Variants in DOCK7 observed in about 807,000 individuals in gnomAD.
DOCK7 encodes the protein dedicator of cytokinesis protein 7.
In DOCK7, 138 loss-of-function variants were observed where a neutral mutation model predicts 271.0. The observed-to-expected ratio is 0.51, with a 90% CI of 0.44 to 0.59. DOCK7 has a LOEUF of 0.59. Ranked by LOEUF, DOCK7 falls within the 20% of genes least tolerant of loss-of-function variation. DOCK7 has a pLI of 0.00. For missense variants in DOCK7, 2,066 were observed against 2,592.4 expected, an observed-to-expected ratio of 0.80 and a Z score of 4.41; for synonymous variants, 823 against 876.1, an observed-to-expected ratio of 0.94 and a Z score of 1.07.
chr1:62,673,329 T>C (rs1354981820), intron 1 of DOCK7, among the ~76,000 whole-genome samples: 1 of 152,184 alleles, frequency 6.6e-6, no homozygotes, highest in African/African-American at 2.4e-5. Flanking sequence ...CTCAAAATTA[T>C]TTTTACATTA....
intron 7 of DOCK7, among the ~76,000 whole-genome samples, chr1:62,638,631 G>C (rs1557841980): frequency 7.3e-6 from 1 of 137,002 alleles, no homozygotes; most frequent in Non-Finnish European, 1.6e-5. Context: ...ATATTTTCAT[G>C]AATATATATA....
intron 41 of DOCK7, among the ~76,000 whole-genome samples, chr1:62,491,032 T>C (rs1646450992): frequency 6.6e-6 from 1 of 152,226 alleles, no homozygotes; most frequent in Non-Finnish European, 1.5e-5. Context: ...TTTAAATACA[T>C]GAACTTACTT....
intron 1 of DOCK7, among the ~76,000 whole-genome samples, chr1:62,681,976 C>A (rs1474603073): frequency 6.6e-6 from 1 of 150,522 alleles, no homozygotes; most frequent in Non-Finnish European, 1.5e-5. Context: ...TCCCAAAAGT[C>A]AGAATGGTGG....
At position 62,562,909 on chromosome 1, in the gene DOCK7, C is replaced by T. The variant is rs547843872; in HGVS notation, c.2113-1206G>A. Among the ~76,000 whole-genome samples the T allele has an allele frequency of 2.0e-5, 3 of 152,286 alleles. No individual in the cohort carries two copies. The East Asian group carries it at 5.8e-4, about 29-fold the overall frequency. On this transcript the variant is annotated intron_variant, in intron 18 of 49. Coordinates refer to ENST00000635253, the MANE Select transcript of DOCK7 (RefSeq NM_001367561.1). ...TCCTGGCCCCACTCTCGCCTCCCTACACTGAATGGAGAGCCTAGGCAGCCA... is the reference window on the plus strand; with the variant it reads ...TCCTGGCCCCACTCTCGCCTCCCTATACTGAATGGAGAGCCTAGGCAGCCA...
At chr1:62,601,762 A>T in intron 14 of DOCK7, 1 of 1,574,336 alleles carries the variant, frequency 6.4e-7, no homozygotes, top group East Asian at 2.2e-5. Flanking sequence ...CATTTTATTG[A>T]TTCTAGGCAT....
intron 14 of DOCK7, among the ~76,000 whole-genome samples, chr1:62,614,065 A>G (rs1360471366): frequency 4.6e-5 from 7 of 152,214 alleles, no homozygotes; most frequent in African/African-American, 1.7e-4. Flanking sequence ...AAATATTTGT[A>G]TAGTGACCAC....
chr1:62,523,956 A>G (rs1286564780), intron 31 of DOCK7, among the ~76,000 whole-genome samples: 1 of 152,246 alleles, frequency 6.6e-6, no homozygotes, highest in Non-Finnish European at 1.5e-5. Flanking sequence ...ACAGCAAGCC[A>G]CAGAGAAGAA....
intron 1 of DOCK7, among the ~76,000 whole-genome samples, chr1:62,669,098 T>C (rs1296356508): frequency 6.6e-6 from 1 of 152,158 alleles, no homozygotes; most frequent in Non-Finnish European, 1.5e-5. Context: ...CTAAATCTGT[T>C]TGGACACTCC....
intron 48 of DOCK7, chr1:62,458,625 C>T (rs1196248261): frequency 6.6e-6 from 1 of 151,904 alleles, no homozygotes; most frequent in Non-Finnish European, 1.5e-5. Context: ...CTCTGCCTCC[C>T]AGGTTCAAGC....
intron 42 of DOCK7, 166 bp from the exon 43 acceptor site, chr1:62,487,578 T>A (rs1217785609): frequency 1.7e-6 from 1 of 573,518 alleles, no homozygotes; most frequent in East Asian, 2.9e-5. Flanking sequence ...TTTCATAAAT[T>A]GCTTGGTCAA....
At chr1:62,479,661 T>A in intron 43 of DOCK7, 1 of 311,362 alleles carries the variant, frequency 3.2e-6, no homozygotes, top group South Asian at 2.9e-5. Flanking sequence ...TATACATTCC[T>A]ACTTTTTGTT....
At chr1:62,584,625 T>C (rs1430666336) in intron 15 of DOCK7, 1 of 1,292,958 alleles carries the variant, frequency 7.7e-7, no homozygotes, top group Non-Finnish European at 9.8e-7. Flanking sequence ...TTTTGACCAT[T>C]TGACATGTAC....
At chr1:62,516,465 C>T (rs1303234071) in intron 31 of DOCK7, among the ~76,000 whole-genome samples, 1 of 152,160 alleles carries the variant, frequency 6.6e-6, no homozygotes, top group Non-Finnish European at 1.5e-5. Flanking sequence ...CTATCACCTA[C>T]AATAAATGCC....
At chr1:62,654,773 A>T (rs1657791353) in intron 2 of DOCK7, among the ~76,000 whole-genome samples, 1 of 152,250 alleles carries the variant, frequency 6.6e-6, no homozygotes, top group African/African-American at 2.4e-5. Flanking sequence ...GCAATCACAT[A>T]TATCCTCATG....
intron 8 of DOCK7, chr1:62,635,637 A>G (rs1655172219): frequency 6.6e-6 from 1 of 152,202 alleles, no homozygotes; most frequent in African/African-American, 2.4e-5. Flanking sequence ...ATAATATCCC[A>G]GCAGTTTCGA....
intron 4 of DOCK7, among the ~76,000 whole-genome samples, chr1:62,649,574 T>C (rs1657084676): frequency 6.6e-6 from 1 of 152,192 alleles, no homozygotes; most frequent in Non-Finnish European, 1.5e-5. Flanking sequence ...AGAATGCTAC[T>C]GAATTCTATA....
intron 40 of DOCK7, 55 bp downstream of exon 40, chr1:62,494,220 G>A: frequency 6.9e-7 from 1 of 1,445,700 alleles, no homozygotes; most frequent in Non-Finnish European, 9.2e-7. Context: ...AGTGAGAAAA[G>A]CTAAAACCAA....
intron 10 of DOCK7, among the ~76,000 whole-genome samples, chr1:62,633,153 A>C (rs1332934625): frequency 6.6e-6 from 1 of 152,206 alleles, no homozygotes; most frequent in Non-Finnish European, 1.5e-5. Context: ...TTTATAAATA[A>C]AGAAAACCTT....
intron 14 of DOCK7, among the ~76,000 whole-genome samples, chr1:62,595,700 G>A (rs543548176): frequency 7.2e-4 from 110 of 152,234 alleles, no homozygotes; most frequent in African/African-American, 2.6e-3. Context: ...AGGCTGATAT[G>A]GGAGGTTCAC....
Sources: gnomAD v4.1 joint callset for allele counts (sites outside exome capture counted in the v4.1 genomes callset) on GRCh38, gnomAD v4.1.1 for gene constraint, MANE v1.5 for transcripts, NCBI Gene and HGNC (gene_info 2026-07-23, HGNC 2026-07-21) for gene names.